Variants in DIPK1A observed in about 807,000 individuals in gnomAD.
DIPK1A encodes family with sequence similarity 69 member A.
DIPK1A carries 27 observed loss-of-function variants against 40.8 expected under a neutral mutation model. The ratio of observed to expected loss-of-function variants is 0.66; its 90% confidence interval spans 0.49 to 0.91. The LOEUF is 0.91. DIPK1A is among the 40% of genes least tolerant of loss of function. The pLI is 0.00. For synonymous variants in DIPK1A, 166 were observed against 171.3 expected, an observed-to-expected ratio of 0.97 and a Z score of 0.24; for missense variants, 412 against 505.7, an observed-to-expected ratio of 0.81 and a Z score of 1.78.
At chr1:92,928,822 C>T (rs1372484193) in intron 1 of DIPK1A, among the ~76,000 whole-genome samples, 1 of 151,994 alleles carries the variant, frequency 6.6e-6, no homozygotes, top group African/African-American at 2.4e-5. Context: ...ATCAGCTGGG[C>T]GTGGTGGTGC....
At chr1:92,858,993 T>G (rs1688078511) in intron 2 of DIPK1A, among the ~76,000 whole-genome samples, 1 of 152,204 alleles carries the variant, frequency 6.6e-6, no homozygotes, top group South Asian at 2.1e-4. Flanking sequence ...ACTCCGGTGA[T>G]TCTCCTAAAT....
rs558086356 is a variant in DIPK1A, at chr1:92,855,011, G to A, written c.190-4056C>T. 2.0e-5 allele frequency among the ~76,000 whole-genome samples: 3 copies of A among 150,408 alleles called. No homozygotes were observed. The East Asian group carries it at 5.9e-4, about 29-fold the overall frequency. On this transcript the variant is annotated intron_variant, in intron 2 of 4. Coordinates refer to ENST00000370310, the MANE Select transcript of DIPK1A (RefSeq NM_001006605.5). ...ACATATAAATAAAAAATAAGTGGAA[G>A]AAAAAAAGTCAAGTTGAAGTCCCAT...
At chr1:92,940,476 A>G (rs1310815599) in intron 1 of DIPK1A, among the ~76,000 whole-genome samples, 3 of 152,196 alleles carry the variant, frequency 2.0e-5, no homozygotes, top group Non-Finnish European at 2.9e-5. Flanking sequence ...TGGTACTACA[A>G]TTCTACCCCT....
At chr1:92,896,175 A>G (rs1234841429) in intron 1 of DIPK1A, among the ~76,000 whole-genome samples, 1 of 152,172 alleles carries the variant, frequency 6.6e-6, no homozygotes, top group Non-Finnish European at 1.5e-5. Context: ...ATATGGAACC[A>G]AAAAAGAGCC....
At chr1:92,908,587 T>C (rs1050560633) in intron 1 of DIPK1A, among the ~76,000 whole-genome samples, 1 of 152,150 alleles carries the variant, frequency 6.6e-6, no homozygotes, top group African/African-American at 2.4e-5. Flanking sequence ...GGAGGTGTGA[T>C]ATTAAAGACA....
At chr1:92,857,351 C>T (rs1256614512) in intron 2 of DIPK1A, among the ~76,000 whole-genome samples, 2 of 139,418 alleles carry the variant, frequency 1.4e-5, no homozygotes, top group African/African-American at 2.7e-5. Flanking sequence ...GATGGAGTTT[C>T]GCTTTTGTCA....
intron 2 of DIPK1A, among the ~76,000 whole-genome samples, chr1:92,863,981 C>A (rs1647408578): frequency 6.6e-6 from 1 of 151,984 alleles, no homozygotes; most frequent in Non-Finnish European, 1.5e-5. Context: ...CTCTTGAACC[C>A]GGGAGGTGAA....
chr1:92,846,837 A>ACACACACACG (rs1687635583), intron 4 of DIPK1A, among the ~76,000 whole-genome samples: 1 of 6,756 alleles, frequency 1.5e-4, no homozygotes, highest in Non-Finnish European at 2.0e-4. Context: ...ATATATATAT[A>ACACACACACG]TATATGTGTG....
chr1:92,839,394 G>A (rs555883524), downstream of DIPK1A, among the ~76,000 whole-genome samples: 3 of 152,144 alleles, frequency 2.0e-5, no homozygotes, highest in Non-Finnish European at 4.4e-5. Context: ...ATATCTGATC[G>A]GTTGGCTTTT....
intron 1 of DIPK1A, among the ~76,000 whole-genome samples, chr1:92,919,903 A>G (rs574520608): frequency 6.6e-6 from 1 of 152,346 alleles, no homozygotes; most frequent in Non-Finnish European, 1.5e-5. Flanking sequence ...TTGGCAGATA[A>G]TTCTTATCAA....
intron 2 of DIPK1A, 42 bp downstream of exon 2, chr1:92,876,254 A>G: frequency 7.6e-7 from 1 of 1,321,360 alleles, no homozygotes; most frequent in Non-Finnish European, 1.0e-6. Flanking sequence ...ATATAGTGTT[A>G]TGAAGAGGCT....
intron 1 of DIPK1A, among the ~76,000 whole-genome samples, chr1:92,922,362 T>A (rs1650303385): frequency 6.6e-6 from 1 of 150,562 alleles, no homozygotes; most frequent in African/African-American, 2.5e-5. Context: ...TGTACTGTAA[T>A]CTTATTTAAT....
At chr1:92,912,740 C>A (rs1649878564) in intron 1 of DIPK1A, among the ~76,000 whole-genome samples, 1 of 152,156 alleles carries the variant, frequency 6.6e-6, no homozygotes, top group Admixed American at 6.5e-5. Flanking sequence ...ATATGCACTT[C>A]TTTTTCCCTG....
chr1:92,842,900 A>T lies in DIPK1A; in HGVS notation c.*483T>A, dbSNP rs1687432954. ...CAGTAAACCATGCTATTAACCCAAC[A>T]TCTGTTTTATAAAGAAGCAAGTTTA... On this transcript the variant is annotated 3_prime_UTR_variant, in exon 5 of 5. Transcript: ENST00000370310. 1.0e-6 allele frequency: 1 copy of T among 987,504 alleles called. No homozygotes were observed. Among genetic ancestry groups the T allele is most frequent in the South Asian group, 4.7e-5 (1 of 21,428 alleles). 61.2% of individuals were successfully genotyped at this position (987,504 alleles called of 1,614,324 possible).
At chr1:92,955,797 T>C (rs1195160667) in intron 1 of DIPK1A, among the ~76,000 whole-genome samples, 1 of 151,708 alleles carries the variant, frequency 6.6e-6, no homozygotes, top group Non-Finnish European at 1.5e-5. Flanking sequence ...TTCCAGCACT[T>C]TGGGAGGCCA....
chr1:92,839,393 C>A (rs996227696), downstream of DIPK1A, among the ~76,000 whole-genome samples: 1 of 152,086 alleles, frequency 6.6e-6, no homozygotes, highest in Non-Finnish European at 1.5e-5. Context: ...AATATCTGAT[C>A]GGTTGGCTTT....
chr1:92,847,286 A>G lies in DIPK1A; in HGVS notation c.371T>C (p.Phe124Ser). 2 of 1,612,830 alleles carry G rather than the reference A, an allele frequency of 1.2e-6. No individual in the cohort carries two copies. The highest frequency in any genetic ancestry group is 1.7e-6 in the Non-Finnish European group (2 of 1,179,268). The change falls in exon 4 of 5, where the codon TTT (phenylalanine) becomes TCT (serine). Residue 124 changes from phenylalanine to serine, a missense_variant. Physicochemically the swap from Phe to Ser is radical, Grantham distance 155. Transcript: ENST00000370310. ...TTTTCTTGGTTCCAATTCAGTTCCA[A>G]AATCAAGATGAAGCGCTTGTTCCAT... Reference protein sequence around the residue: ...CQMEQALHLDFGTELEPRKEI... With the variant: ...CQMEQALHLDSGTELEPRKEI...
At chr1:92,918,672 A>G (rs1285724490) in intron 1 of DIPK1A, among the ~76,000 whole-genome samples, 1 of 152,162 alleles carries the variant, frequency 6.6e-6, no homozygotes. Context: ...GGTTGGCAGC[A>G]GTCTGTAGAT....
At chr1:92,946,921 G>A (rs1651387438) in intron 1 of DIPK1A, among the ~76,000 whole-genome samples, 1 of 147,206 alleles carries the variant, frequency 6.8e-6, no homozygotes, top group South Asian at 2.2e-4. Context: ...TCCAGCCTGG[G>A]TGACAGAGTG....
Sources: allele counts gnomAD v4.1 joint callset (sites outside exome capture counted in the v4.1 genomes callset), GRCh38; gene constraint gnomAD v4.1.1; transcripts MANE v1.5; gene names NCBI Gene and HGNC (gene_info 2026-07-23, HGNC 2026-07-21).